Variants in TMEM260 observed in about 807,000 individuals in gnomAD.
The protein encoded by TMEM260 is protein O-mannosyl-transferase TMEM260.
Under a neutral mutation model 88.9 loss-of-function variants are expected in TMEM260, and 82 were observed. That is an observed-to-expected ratio of 0.92 (90% CI 0.77 to 1.11). The LOEUF (loss-of-function observed/expected upper bound fraction) is 1.11. Ranked by LOEUF, TMEM260 falls within the 50% of genes least tolerant of loss-of-function variation. The pLI, the probability that TMEM260 is intolerant of heterozygous loss-of-function variation, is 0.00. For synonymous variants in TMEM260, 314 were observed against 309.3 expected, an observed-to-expected ratio of 1.02 and a Z score of -0.16; for missense variants, 902 against 853.4, an observed-to-expected ratio of 1.06 and a Z score of -0.71.
Position 56,645,364 on chromosome 14 carries a change from A to G in TMEM260, c.1870-1879A>G, listed in dbSNP as rs1013255172. On this transcript the variant is annotated intron_variant, in intron 15 of 15. Transcript: ENST00000261556. ...TGTAGGGACATGGATGAAGCTGGAAACCATCATTCTGAGCAAACTATCGCA... is the reference window on the plus strand; with the variant it reads ...TGTAGGGACATGGATGAAGCTGGAAGCCATCATTCTGAGCAAACTATCGCA... Among the ~76,000 whole-genome samples, 26 of 152,258 alleles carry G rather than the reference A, an allele frequency of 1.7e-4. No homozygotes were observed. The Middle Eastern group carries it at 0.017, about 100-fold the overall frequency.
intron 9 of TMEM260, 81 bp from the exon 10 acceptor site, chr14:56,618,513 C>A: frequency 7.6e-7 from 1 of 1,324,332 alleles, no homozygotes; most frequent in Non-Finnish European, 1.1e-6. Context: ...GTGCATGCAG[C>A]ATATTTAAAA....
At chr14:56,660,315 A>T in the TMEM260 span, among the ~76,000 whole-genome samples, 1 of 152,242 alleles carries the variant, frequency 6.6e-6, no homozygotes, top group Non-Finnish European at 1.5e-5. Flanking sequence ...GTCTGTCAAT[A>T]CGTGGGAGAC....
chr14:56,596,425 T>TATACACAC (rs1490067903), intron 3 of TMEM260, among the ~76,000 whole-genome samples: 2 of 135,638 alleles, frequency 1.5e-5, no homozygotes, highest in East Asian at 4.2e-4. Context: ...TATATATATA[T>TATACACAC]ACATACACAC....
intron 5 of TMEM260, among the ~76,000 whole-genome samples, chr14:56,606,272 T>A (rs1198807907): frequency 1.3e-5 from 2 of 152,208 alleles, no homozygotes; most frequent in Admixed American, 6.5e-5. Context: ...ATTACTTCAT[T>A]AGGCAATGTG....
At chr14:56,616,809 C>T (rs141664002) in intron 8 of TMEM260, among the ~76,000 whole-genome samples, 1 of 152,160 alleles carries the variant, frequency 6.6e-6, no homozygotes, top group Non-Finnish European at 1.5e-5. Flanking sequence ...AAGGATTATA[C>T]TAACATATAT....
rs767880042 is a variant in TMEM260 at position 56,585,867 on chromosome 14, T to C, written c.299T>C (p.Leu100Ser). The part of the protein sequence containing the change: ...IAYRVNLLCG[L>S]FGAVAASLLF... Reference sequence around the variant, plus strand: ...TACCGCGTCAATCTTCTCTGTGGCTTATTTGGAGCAGTAGCTGCATCATTA... The same window carrying C: ...TACCGCGTCAATCTTCTCTGTGGCTCATTTGGAGCAGTAGCTGCATCATTA... The change falls in exon 3 of 16, where the codon TTA (leucine) becomes TCA (serine). Residue 100 changes from leucine (L) to serine (S), a missense_variant. By Grantham distance (145) the Leu-to-Ser change is moderately radical. Transcript: ENST00000261556. The C allele has an allele frequency of 2.7e-5, 44 of 1,613,460 alleles. 1 individual carries two copies. The South Asian group carries it at 3.3e-4, about 12-fold the overall frequency.
At chr14:56,640,030 G>A (rs139055000) in intron 15 of TMEM260, among the ~76,000 whole-genome samples, 44 of 152,208 alleles carry the variant, frequency 2.9e-4, no homozygotes, top group African/African-American at 4.8e-4. Flanking sequence ...GGAGGCCTGC[G>A]TGCCTTCCTG....
chr14:56,630,735 A>G (rs1395246187), intron 12 of TMEM260, among the ~76,000 whole-genome samples: 2 of 152,092 alleles, frequency 1.3e-5, no homozygotes, highest in African/African-American at 4.8e-5. Flanking sequence ...CTGGTTCTTC[A>G]TATGCCTAGT....
Position 56,600,374 on chromosome 14 carries a change from CAG to C in TMEM260, c.345-3440_345-3439del, listed in dbSNP as rs68034872. Among the ~76,000 whole-genome samples the C allele has an allele frequency of 6.9e-3, 1,054 of 152,196 alleles. 11 individuals carry two copies. Among genetic ancestry groups the C allele is most frequent in the Middle Eastern group, 0.017 (5 of 294 alleles). ...TGAGAAGTATAATAAAGAGGGAAGA[CAG>C]TGTGTTTCAGTCAGGGTTCTTGGTT... is the stretch of plus-strand genomic sequence containing the variant. On this transcript the variant is annotated intron_variant, in intron 3 of 15. Transcript: ENST00000261556.
At chr14:56,604,970 A>G (rs1482458474) in intron 4 of TMEM260, among the ~76,000 whole-genome samples, 2 of 152,230 alleles carry the variant, frequency 1.3e-5, no homozygotes, top group South Asian at 2.1e-4. Flanking sequence ...TTGATCAGAT[A>G]TTGAGAATTA....
chr14:56,585,035 A>G lies in TMEM260; in HGVS notation c.192+3A>G, dbSNP rs891894106. ...TCACAGCCGCACATGAGCTTGGAGT[A>G]AGTATTAGTTTTATTGTTTAATCAA... On this transcript the variant is annotated splice_donor_region_variant and intron_variant, in intron 2 of 15. Coordinates refer to ENST00000261556, the MANE Select transcript of TMEM260 (RefSeq NM_017799.4). The G allele has an allele frequency of 2.5e-6, 4 of 1,611,160 alleles. No individual in the cohort carries two copies. The highest frequency in any genetic ancestry group is 2.2e-5 in the East Asian group (1 of 44,794).
chr14:56,663,099 A>G, the TMEM260 span, among the ~76,000 whole-genome samples: 1 of 152,208 alleles, frequency 6.6e-6, no homozygotes, highest in African/African-American at 2.4e-5. The surrounding 1 kb of genome is among the most constrained non-coding windows in gnomAD (Gnocchi z 4.1). Context: ...GTTGCCCACC[A>G]GTCTGAGCAA....
chr14:56,605,604 G>C lies in TMEM260; in HGVS notation c.557G>C (p.Ser186Thr). The C allele has an allele frequency of 6.3e-7, 1 of 1,575,256 alleles. No individual in the cohort carries two copies. The stretch of plus-strand genomic sequence containing the variant: ...ATTGGTGCTTTCTGCTGTGGCCTTA[G>C]TTTATGTAACCAGCACACAATAATA... ...AKIGAFCCGL[S>T]LCNQHTIILY... is the part of the protein sequence containing the mutation. The change falls in exon 5 of 16, where the codon AGT (serine) becomes ACT (threonine). Residue 186 changes from serine to threonine, a missense_variant. Coordinates refer to ENST00000261556, the MANE Select transcript of TMEM260 (RefSeq NM_017799.4).
intron 3 of TMEM260, among the ~76,000 whole-genome samples, chr14:56,603,530 CTT>C (rs1331646291): frequency 6.6e-6 from 1 of 152,150 alleles, no homozygotes; most frequent in Non-Finnish European, 1.5e-5. Context: ...GCTACTGTGT[CTT>C]CAGGTTTTCT....
At chr14:56,634,518 G>A (rs1888875115) in intron 13 of TMEM260, among the ~76,000 whole-genome samples, 1 of 152,162 alleles carries the variant, frequency 6.6e-6, no homozygotes, top group Admixed American at 6.6e-5. Context: ...CTTGTCAGAT[G>A]ATAAAACAGT....
At chr14:56,626,847 C>CA (rs1229152714) in intron 12 of TMEM260, among the ~76,000 whole-genome samples, 1 of 152,156 alleles carries the variant, frequency 6.6e-6, no homozygotes, top group South Asian at 2.1e-4. Context: ...ATCTGTCTCC[C>CA]AAGGACAGCT....
intron 3 of TMEM260, among the ~76,000 whole-genome samples, chr14:56,602,789 T>C (rs1886656438): frequency 6.6e-6 from 1 of 152,136 alleles, no homozygotes; most frequent in South Asian, 2.1e-4. Context: ...ACAGGTTTAC[T>C]GATATTGAGA....
chr14:56,627,605 A>T (rs1459303281), intron 12 of TMEM260, among the ~76,000 whole-genome samples: 1 of 152,150 alleles, frequency 6.6e-6, no homozygotes, highest in African/African-American at 2.4e-5. Flanking sequence ...CAGAAGTAAA[A>T]TTACTAACTC....
intron 6 of TMEM260, among the ~76,000 whole-genome samples, chr14:56,611,434 GA>G (rs1887269962): frequency 6.6e-6 from 1 of 152,142 alleles, no homozygotes; most frequent in South Asian, 2.1e-4. Flanking sequence ...AAAAGCATAT[GA>G]AAAAGTGCTC....
Sources: gnomAD v4.1 joint callset for allele counts (sites outside exome capture counted in the v4.1 genomes callset) on GRCh38, gnomAD v4.1.1 for gene constraint, Gnocchi (gnomAD v3.1) non-coding constraint, MANE v1.5 for transcripts, NCBI Gene and HGNC (gene_info 2026-07-23, HGNC 2026-07-21) for gene names.